The following CDC5L variants were observed in gnomAD, a reference collection of about 807,000 sequenced individuals.
The protein encoded by CDC5L is cell division cycle 5-like protein.
CDC5L carries 18 observed loss-of-function variants against 104.1 expected under a neutral mutation model. The observed-to-expected ratio is 0.17, with a 90% CI of 0.12 to 0.26. The LOEUF (loss-of-function observed/expected upper bound fraction) is 0.26. CDC5L is among the 10% of genes least tolerant of loss of function. The pLI is 1.00. For synonymous variants in CDC5L, 331 were observed against 322.7 expected (o/e 1.03, Z -0.28); for missense variants, 673 against 956.9 (o/e 0.70, Z 3.91).
chr6:44,426,668 A>G lies in CDC5L; in HGVS notation c.1837A>G (p.Ile613Val). The change falls in exon 13 of 16, where the codon ATT becomes GTT. Residue 613 changes from isoleucine (I) to valine (V), a missense_variant. By Grantham distance (29) the Ile-to-Val change is conservative. Coordinates refer to ENST00000371477, the MANE Select transcript of CDC5L (RefSeq NM_001253.4). ...GTTTGGTACCAATAATTCAGAGCAC[A>G]TTACCTATCTGGAACATAATCCTTA... ...VGFGTNNSEH[I>V]TYLEHNPYEK... 1 of 1,612,828 alleles carries G rather than the reference A, an allele frequency of 6.2e-7. No homozygotes were observed. The highest frequency in any genetic ancestry group is 2.2e-5 in the East Asian group (1 of 44,806).
At chr6:44,433,164 A>G (rs1348477293) in intron 14 of CDC5L, among the ~76,000 whole-genome samples, 3 of 152,244 alleles carry the variant, frequency 2.0e-5, no homozygotes, top group East Asian at 1.9e-4. Flanking sequence ...TCACACATTC[A>G]GTAATTATTA....
At chr6:44,410,214 T>C (rs1383781230) in intron 8 of CDC5L, among the ~76,000 whole-genome samples, 5 of 152,186 alleles carry the variant, frequency 3.3e-5, no homozygotes, top group African/African-American at 1.2e-4. Flanking sequence ...TTGACAGATA[T>C]CTCCCTGGTT....
intron 8 of CDC5L, among the ~76,000 whole-genome samples, chr6:44,419,138 C>G (rs1792044025): frequency 6.6e-6 from 1 of 152,038 alleles, no homozygotes; most frequent in Non-Finnish European, 1.5e-5. Context: ...TTAGGTCTAA[C>G]ATTTAAGTCT....
intron 10 of CDC5L, among the ~76,000 whole-genome samples, 161 bp downstream of exon 10, chr6:44,422,970 ATATTTTGGGCTCAAAAC>A (rs1327247920): frequency 6.6e-6 from 1 of 152,148 alleles, no homozygotes; most frequent in East Asian, 1.9e-4. Flanking sequence ...ATGAAAGGGA[ATATTTTGGGCTCAAAAC>A]CCACCTTTCT....
At chr6:44,435,080 GC>G (rs955778558) in intron 14 of CDC5L, among the ~76,000 whole-genome samples, 2 of 67,040 alleles carry the variant, frequency 3.0e-5, no homozygotes, top group African/African-American at 6.0e-5. Flanking sequence ...TATGCACCCC[GC>G]CCCCCCTGCC....
At chr6:44,400,941 A>G (rs1791094314) in intron 5 of CDC5L, among the ~76,000 whole-genome samples, 1 of 152,180 alleles carries the variant, frequency 6.6e-6, no homozygotes, top group Non-Finnish European at 1.5e-5. Flanking sequence ...TCCTGATATC[A>G]GTGTTTGAGA....
intron 13 of CDC5L, among the ~76,000 whole-genome samples, chr6:44,429,294 A>G (rs913970055): frequency 4.6e-5 from 7 of 152,140 alleles, no homozygotes; most frequent in African/African-American, 1.4e-4. Context: ...TGCTGGGATC[A>G]TAGGAGGGAG....
intron 4 of CDC5L, 80 bp from the exon 5 acceptor site, chr6:44,396,261 G>C (rs1487145403): frequency 1.3e-6 from 1 of 774,458 alleles, no homozygotes; most frequent in South Asian, 1.8e-5. Flanking sequence ...TTGAGCAATA[G>C]AGTGTCTCTT....
chr6:44,414,432 A>T (rs1433151961), intron 8 of CDC5L, among the ~76,000 whole-genome samples: 1,655 of 82,994 alleles, frequency 0.02, 39 homozygotes, highest in African/African-American at 0.071. Flanking sequence ...GTGTGTGTGT[A>T]TTTTTTTTTA....
chr6:44,412,402 T>C (rs1791686315), intron 8 of CDC5L, among the ~76,000 whole-genome samples: 1 of 151,842 alleles, frequency 6.6e-6, no homozygotes. Context: ...GTTTTTTTAC[T>C]TTTAGTAGAG....
intron 8 of CDC5L, among the ~76,000 whole-genome samples, chr6:44,411,608 C>CAGAGAGAGAGAGAG (rs1292898511): frequency 7.4e-6 from 1 of 135,328 alleles, no homozygotes; most frequent in African/African-American, 2.7e-5. Flanking sequence ...CTGTGAGAGA[C>CAGAGAGAGAGAGAG]AGAGAGAGAG....
intron 7 of CDC5L, among the ~76,000 whole-genome samples, chr6:44,407,430 G>A (rs1791423074): frequency 1.3e-5 from 2 of 151,874 alleles, no homozygotes; most frequent in South Asian, 2.1e-4. Flanking sequence ...GCGTTCAAGC[G>A]ATTCTCCTGC....
intron 2 of CDC5L, among the ~76,000 whole-genome samples, 192 bp downstream of exon 2, chr6:44,390,563 A>G (rs562953061): frequency 1.6e-4 from 24 of 152,130 alleles, no homozygotes; most frequent in Non-Finnish European, 2.6e-4. Flanking sequence ...CCATTTTTCT[A>G]TCCCTCTCCC....
Position 44,419,559 on chromosome 6 carries a change from T to C in CDC5L, c.1203T>C (p.Val401=). ...CAGGTGTAACTCCACAGCGACAAGT[T>C]GTACAGACTCCAAACACAGTTCTCT... The part of the protein sequence containing the change: ...DFSGVTPQRQ[V]VQTPNTVLST... The change falls in exon 9 of 16, where the codon GTT becomes GTC. Residue 401 remains valine, a synonymous_variant. Coordinates refer to ENST00000371477, the MANE Select transcript of CDC5L (RefSeq NM_001253.4). 6.2e-7 allele frequency: 1 copy of C among 1,613,828 alleles called. No homozygotes were observed. The highest frequency in any genetic ancestry group is 8.5e-7 in the Non-Finnish European group (1 of 1,179,684).
In CDC5L at chr6:44,446,724, AT is replaced by A; in HGVS notation, c.*15del. 1 of 1,257,998 alleles carries A rather than the reference AT, an allele frequency of 7.9e-7. No homozygotes were observed. The highest frequency in any genetic ancestry group is 1.3e-5 in the South Asian group (1 of 77,490). 77.9% of individuals were successfully genotyped at this position (1,257,998 alleles called of 1,614,324 possible). ...GTCAAAATTCTGAAGTACAGTTTATATTCTGTCACAGGATTAATTAATTGCC... is the reference window on the plus strand; with the variant it reads ...GTCAAAATTCTGAAGTACAGTTTATATCTGTCACAGGATTAATTAATTGCC... On this transcript the variant is annotated 3_prime_UTR_variant, in exon 16 of 16. Coordinates refer to ENST00000371477, the MANE Select transcript of CDC5L (RefSeq NM_001253.4).
At chr6:44,422,338 T>C (rs1792223367) in intron 9 of CDC5L, among the ~76,000 whole-genome samples, 1 of 152,218 alleles carries the variant, frequency 6.6e-6, no homozygotes, top group Admixed American at 6.5e-5. Context: ...CCCTGCCCAC[T>C]GCATGTTCTT....
intron 14 of CDC5L, among the ~76,000 whole-genome samples, chr6:44,430,730 G>A (rs1176258262): frequency 1.3e-5 from 2 of 151,758 alleles, no homozygotes; most frequent in Non-Finnish European, 1.5e-5. Flanking sequence ...GCCCCACCAC[G>A]CCCAGTTAAT....
rs1388849253 is a variant in CDC5L, at chr6:44,396,456, G to C, written c.539+16G>C. 3.4e-6 allele frequency: 5 copies of C among 1,483,552 alleles called. No individual in the cohort carries two copies. Among genetic ancestry groups the C allele is most frequent in the Non-Finnish European group, 3.7e-6 (4 of 1,073,486 alleles). The allele number at this position is 1,483,552 out of a possible 1,614,324, so 91.9% of individuals were successfully genotyped here. On this transcript the variant is annotated intron_variant, in intron 5 of 15. Transcript: ENST00000371477. ...AAGAAGCAAGGTATGTGTGGATATA[G>C]GAATAAAAAGCAAAGTGTTTTTCTC... is the stretch of plus-strand genomic sequence containing the variant.
intron 5 of CDC5L, among the ~76,000 whole-genome samples, chr6:44,401,915 TG>T (rs1202281900): frequency 2.1e-5 from 3 of 141,666 alleles, no homozygotes; most frequent in Non-Finnish European, 4.6e-5. Context: ...TTTGGTTTTT[TG>T]TTCTTGCGAT....
Sources: allele counts gnomAD v4.1 joint callset (sites outside exome capture counted in the v4.1 genomes callset), GRCh38; gene constraint gnomAD v4.1.1; transcripts MANE v1.5; gene names NCBI Gene and HGNC (gene_info 2026-07-23, HGNC 2026-07-21).